STK39: variants seen among roughly 807,000 people sequenced by gnomAD.
The protein encoded by STK39 is STE20/SPS1-related proline-alanine-rich protein kinase.
Under a neutral mutation model 77.8 loss-of-function variants are expected in STK39, and 20 were observed. The observed-to-expected ratio is 0.26, with a 90% CI of 0.18 to 0.37. The LOEUF is 0.37. Among genes scored for constraint, STK39 ranks in the 10% least tolerant of loss-of-function variants. The pLI, the probability that STK39 is intolerant of heterozygous loss-of-function variation, is 1.00. For missense variants in STK39, 479 were observed against 656.5 expected (o/e 0.73, Z 2.95); for synonymous variants, 246 against 234.1 (o/e 1.05, Z -0.47).
At chr2:168,218,860 A>T (rs13390712) in intron 1 of STK39, among the ~76,000 whole-genome samples, 88,572 of 151,972 alleles carry the variant, frequency 0.58, 29,359 homozygotes, top group Non-Finnish European at 0.78. Context: ...ACAAATAACA[A>T]CCAGCTCCCA....
intron 10 of STK39, among the ~76,000 whole-genome samples, chr2:168,107,020 T>C (rs927182745): frequency 6.6e-6 from 1 of 152,178 alleles, no homozygotes; most frequent in Non-Finnish European, 1.5e-5. Context: ...TGGAGAAGGG[T>C]GGTTGCTTCA....
chr2:168,046,642 A>T (rs17176048), intron 14 of STK39, among the ~76,000 whole-genome samples: 19,364 of 152,258 alleles, frequency 0.13, 1,515 homozygotes, highest in Middle Eastern at 0.18. Flanking sequence ...ACTACTGAAG[A>T]GCTGGCCTTT....
At chr2:167,986,717 G>C (rs758435729) in intron 16 of STK39, among the ~76,000 whole-genome samples, 22 of 152,180 alleles carry the variant, frequency 1.4e-4, no homozygotes, top group Admixed American at 6.5e-5. Flanking sequence ...AAACAGACAA[G>C]AAAGGAACAC....
At chr2:168,010,518 AAGATTGT>A (rs1684245274) in intron 16 of STK39, among the ~76,000 whole-genome samples, 1 of 152,230 alleles carries the variant, frequency 6.6e-6, no homozygotes, top group Admixed American at 6.5e-5. Flanking sequence ...TAAATCTCAC[AAGATTGT>A]AAAGGAAAAT....
intron 14 of STK39, among the ~76,000 whole-genome samples, chr2:168,048,977 T>A (rs1317937507): frequency 2.6e-5 from 4 of 152,232 alleles, no homozygotes; most frequent in Non-Finnish European, 5.9e-5. Flanking sequence ...CCTAATGCTA[T>A]TGACGAGATG....
chr2:168,075,513 A>G (rs1436098175), intron 10 of STK39, among the ~76,000 whole-genome samples: 1 of 152,088 alleles, frequency 6.6e-6, no homozygotes, highest in African/African-American at 2.4e-5. Context: ...ATTAAGGATC[A>G]AGCTCATTTT....
intron 1 of STK39, 49 bp downstream of exon 1, chr2:168,247,179 G>A (rs1349522357): frequency 9.1e-6 from 10 of 1,100,622 alleles, no homozygotes; most frequent in East Asian, 1.0e-4. Context: ...CCTCCCGCCC[G>A]GCCTCGGCGC....
intron 5 of STK39, among the ~76,000 whole-genome samples, chr2:168,143,230 C>T (rs926755820): frequency 1.3e-5 from 2 of 152,208 alleles, no homozygotes; most frequent in African/African-American, 4.8e-5. Context: ...ATCCTAATAA[C>T]AAAAAGGGTC....
At chr2:168,112,276 C>G (rs186608340) in intron 10 of STK39, among the ~76,000 whole-genome samples, 1 of 152,080 alleles carries the variant, frequency 6.6e-6, no homozygotes, top group African/African-American at 2.4e-5. Context: ...CTTGGGACTC[C>G]TAAGGTTCTT....
At chr2:168,214,277 A>G (rs1407508915) in intron 1 of STK39, among the ~76,000 whole-genome samples, 1 of 151,766 alleles carries the variant, frequency 6.6e-6, no homozygotes, top group African/African-American at 2.4e-5. Flanking sequence ...CACAAGGTCC[A>G]CTAAAAAGTG....
chr2:168,032,614 G>A (rs770768592), intron 14 of STK39, among the ~76,000 whole-genome samples: 20 of 152,228 alleles, frequency 1.3e-4, no homozygotes, highest in Admixed American at 3.9e-4. Flanking sequence ...ACAAAGACAA[G>A]TTCTCACTCT....
At chr2:168,087,352 G>A (rs1323771961) in intron 10 of STK39, among the ~76,000 whole-genome samples, 1 of 152,216 alleles carries the variant, frequency 6.6e-6, no homozygotes, top group Non-Finnish European at 1.5e-5. Context: ...TTGTCAGGTT[G>A]ACTGTGCTAG....
In STK39 at chr2:168,182,048, G is replaced by C; in HGVS notation, c.251C>G (p.Pro84Arg). The C allele has an allele frequency of 6.2e-7, 1 of 1,613,976 alleles. No individual in the cohort carries two copies. The highest frequency in any genetic ancestry group is 8.5e-7 in the Non-Finnish European group (1 of 1,179,928). ...TAVVQAALCKPRQERVAIKRI... is the reference protein window; with the variant it reads ...TAVVQAALCKRRQERVAIKRI... Reference sequence around the variant, plus strand: ...TTTTATTGCTACACGTTCTTGCCTGGGTTTGCATAGGGCTGCCTGAACCAC... The same window carrying C: ...TTTTATTGCTACACGTTCTTGCCTGCGTTTGCATAGGGCTGCCTGAACCAC... The change falls in exon 2 of 18, where the codon CCC becomes CGC. Residue 84 changes from proline to arginine, a missense_variant. Physicochemically the swap from Pro to Arg is moderately radical, Grantham distance 103. Transcript: ENST00000355999.
At chr2:168,153,472 T>C (rs1688342958) in intron 5 of STK39, among the ~76,000 whole-genome samples, 2 of 152,178 alleles carry the variant, frequency 1.3e-5, no homozygotes, top group Non-Finnish European at 2.9e-5. Flanking sequence ...CTCTAGAGTT[T>C]CCGATTCAGA....
At chr2:167,988,787 C>T (rs1258767095) in intron 16 of STK39, among the ~76,000 whole-genome samples, 1 of 152,078 alleles carries the variant, frequency 6.6e-6, no homozygotes, top group African/African-American at 2.4e-5. Context: ...TAAAAAATGA[C>T]TGTATTTGAG....
intron 8 of STK39, among the ~76,000 whole-genome samples, chr2:168,134,833 A>C (rs1015497750): frequency 6.6e-6 from 1 of 152,152 alleles, no homozygotes; most frequent in Non-Finnish European, 1.5e-5. Flanking sequence ...TTTTTCACTC[A>C]TTGCTCATGA....
Position 168,139,408 on chromosome 2 carries a change from T to TTATATATATATATATA in STK39, c.840+865_840+880dup, listed in dbSNP as rs71003023. Among the ~76,000 whole-genome samples the TTATATATATATATATA allele has an allele frequency of 0.013, 1,919 of 144,412 alleles. 71 individuals are homozygous for TTATATATATATATATA. The East Asian group carries it at 0.14, about 11-fold the overall frequency. The allele number at this position is 144,412 out of a possible 152,430, so 94.7% of individuals were successfully genotyped here. A position where few individuals can be genotyped will look rare whatever the true frequency, so the allele number is the denominator to read the frequency against. On this transcript the variant is annotated intron_variant, in intron 7 of 17. Coordinates refer to ENST00000355999, the MANE Select transcript of STK39 (RefSeq NM_013233.3). ...AAATCCTAACTATGTTAAAAAAAAT[T>TTATATATATATATATA]TATATATATATATATAAAAACAATA...
chr2:167,958,195 T>C (rs1691839071), intron 17 of STK39, among the ~76,000 whole-genome samples: 1 of 152,216 alleles, frequency 6.6e-6, no homozygotes, highest in South Asian at 2.1e-4. Context: ...CCAAAAAGTG[T>C]CTGCTTATGT....
intron 10 of STK39, among the ~76,000 whole-genome samples, chr2:168,127,437 C>A (rs146953640): frequency 1.3e-4 from 20 of 152,174 alleles, no homozygotes; most frequent in Non-Finnish European, 2.4e-4. Flanking sequence ...GTGTGAGCCA[C>A]CACACCCGGC....
Sources: allele counts gnomAD v4.1 joint callset (sites outside exome capture counted in the v4.1 genomes callset), GRCh38; gene constraint gnomAD v4.1.1; transcripts MANE v1.5; gene names NCBI Gene and HGNC (gene_info 2026-07-23, HGNC 2026-07-21).